The following ARHGAP29 variants were observed in gnomAD, a reference collection of about 807,000 sequenced individuals.
ARHGAP29 encodes rho GTPase-activating protein 29.
ARHGAP29 carries 43 observed loss-of-function variants against 122.6 expected under a neutral mutation model. The ratio of observed to expected loss-of-function variants is 0.35; its 90% CI spans 0.27 to 0.45. ARHGAP29 has a LOEUF of 0.45. ARHGAP29 is among the 20% of genes least tolerant of loss of function. The pLI is 1.00. For missense variants in ARHGAP29, 1,303 were observed against 1,477.2 expected, an observed-to-expected ratio of 0.88 and a Z score of 1.93; for synonymous variants, 506 against 497.1, an observed-to-expected ratio of 1.02 and a Z score of -0.24.
Position 94,203,918 on chromosome 1 carries a change from C to T in ARHGAP29, c.762+12G>A, listed in dbSNP as rs368475090. ...CTTATTATAGAACCCCCGAAGTTCACAGAACACTTACCTGAATTCCAATGT... is the reference window on the plus strand; with the variant it reads ...CTTATTATAGAACCCCCGAAGTTCATAGAACACTTACCTGAATTCCAATGT... On this transcript the variant is annotated intron_variant, in intron 8 of 22. Coordinates refer to ENST00000260526, the MANE Select transcript of ARHGAP29 (RefSeq NM_004815.4). 6.2e-7 allele frequency: 1 copy of T among 1,612,870 alleles called. No individual in the cohort carries two copies. Among genetic ancestry groups the T allele is most frequent in the East Asian group, 2.2e-5 (1 of 44,832 alleles).
rs1473821064 is a variant in ARHGAP29, at chr1:94,203,326, A to G, written c.763-116T>C. The stretch of plus-strand genomic sequence containing the variant: ...AGTTTAGACTTTTGCCCCCAGAAAA[A>G]TAACTAGTCAAAAACATGACTATGA... On this transcript the variant is annotated intron_variant, in intron 8 of 22. Coordinates refer to ENST00000260526, the MANE Select transcript of ARHGAP29 (RefSeq NM_004815.4). 4.9e-6 allele frequency: 3 copies of G among 616,510 alleles called. No homozygotes were observed. In the East Asian group the frequency reaches 9.2e-5, roughly 19 times the overall value. 38.2% of individuals were successfully genotyped at this position (616,510 alleles called of 1,614,324 possible).
intron 1 of ARHGAP29, among the ~76,000 whole-genome samples, chr1:94,257,511 CAGCCTGGGCA>C (rs1300557832): frequency 6.6e-6 from 1 of 152,054 alleles, no homozygotes; most frequent in Non-Finnish European, 1.5e-5. Context: ...ATTTTGAGAC[CAGCCTGGGCA>C]ACACAGGGAG....
At position 94,174,119 on chromosome 1, in the gene ARHGAP29, T is replaced by C. The variant is rs1156732552; in HGVS notation, c.3536A>G (p.Asn1179Ser). The change falls in exon 23 of 23, where the codon AAT (asparagine) becomes AGT (serine). Residue 1179 changes from asparagine to serine, a missense_variant. By Grantham distance (46) the Asn-to-Ser change is conservative. Coordinates refer to ENST00000260526, the MANE Select transcript of ARHGAP29 (RefSeq NM_004815.4). ...PHAPIISIRG[N>S]EEKPASPSAA... ...TGAGGGTGAAGCTGGCTTCTCCTCATTCCCCCTGATACTGATGATGGGAGC... is the reference window on the plus strand; with the variant it reads ...TGAGGGTGAAGCTGGCTTCTCCTCACTCCCCCTGATACTGATGATGGGAGC... 6.2e-7 allele frequency: 1 copy of C among 1,614,040 alleles called. No homozygotes were observed. The highest frequency in any genetic ancestry group is 2.2e-5 in the East Asian group (1 of 44,890).
chr1:94,242,794 C>T (rs1414007641), intron 1 of ARHGAP29, among the ~76,000 whole-genome samples: 1 of 151,800 alleles, frequency 6.6e-6, no homozygotes, highest in Non-Finnish European at 1.5e-5. Flanking sequence ...AAAAGTAAGA[C>T]CCAACTATAT....
Position 94,170,961 on chromosome 1 carries a change from T to C in ARHGAP29, c.*2908A>G, listed in dbSNP as rs1180551143. Among the ~76,000 whole-genome samples the C allele has an allele frequency of 6.6e-6, 1 of 152,214 alleles. No individual in the cohort carries two copies. The highest frequency in any genetic ancestry group is 1.9e-4 in the East Asian group (1 of 5,198). ...CTGACTTACATACTGATTGTGAATG[T>C]AGCAAATTTGCTAACTCCTAGATGT... On this transcript the variant is annotated 3_prime_UTR_variant, in exon 23 of 23. Transcript: ENST00000260526.
chr1:94,247,297 G>C (rs940858528), intron 1 of ARHGAP29, among the ~76,000 whole-genome samples: 31 of 152,018 alleles, frequency 2.0e-4, no homozygotes, highest in Non-Finnish European at 1.3e-4. Flanking sequence ...AGACACGCTC[G>C]GGGAGTCCTG....
At chr1:94,290,569 A>G in the ARHGAP29 span, among the ~76,000 whole-genome samples, 1 of 152,174 alleles carries the variant, frequency 6.6e-6, no homozygotes, top group Non-Finnish European at 1.5e-5. Flanking sequence ...TAGTGCTATA[A>G]ATTTCCCTCT....
chr1:94,183,808 CAAGTATT>C (rs1649626696), intron 19 of ARHGAP29, among the ~76,000 whole-genome samples: 1 of 152,026 alleles, frequency 6.6e-6, no homozygotes, highest in Admixed American at 6.5e-5. Context: ...GAATAAATAG[CAAGTATT>C]AAAACTATTA....
At chr1:94,218,340 T>C (rs189560720) in intron 3 of ARHGAP29, among the ~76,000 whole-genome samples, 2 of 152,224 alleles carry the variant, frequency 1.3e-5, no homozygotes, top group African/African-American at 4.8e-5. Context: ...AGTAAAACAG[T>C]TACAATAATC....
the ARHGAP29 span, among the ~76,000 whole-genome samples, chr1:94,313,724 C>T: frequency 7.2e-5 from 11 of 152,178 alleles, no homozygotes; most frequent in African/African-American, 2.4e-4. Flanking sequence ...TTGGAACCAA[C>T]CCAAATGTCT....
chr1:94,170,261 T>C lies in ARHGAP29; in HGVS notation c.*3608A>G, dbSNP rs1422208529. On this transcript the variant is annotated 3_prime_UTR_variant, in exon 23 of 23. Transcript: ENST00000260526. The stretch of plus-strand genomic sequence containing the variant: ...AGACAAATTGACATTGTGTGCATCC[T>C]GGCATGACACATTTGAGTATAGAGC... Among the ~76,000 whole-genome samples the C allele has an allele frequency of 6.6e-6, 1 of 152,230 alleles. No individual in the cohort carries two copies. Among genetic ancestry groups the C allele is most frequent in the African/African-American group, 2.4e-5 (1 of 41,464 alleles).
intron 1 of ARHGAP29, among the ~76,000 whole-genome samples, chr1:94,272,557 C>G (rs1366013223): frequency 6.6e-6 from 1 of 152,212 alleles, no homozygotes; most frequent in Admixed American, 6.5e-5. Context: ...CTGGTCCAAG[C>G]CAGTGATTGA....
intron 1 of ARHGAP29, among the ~76,000 whole-genome samples, chr1:94,264,961 T>G (rs1176508111): frequency 6.6e-6 from 1 of 152,214 alleles, no homozygotes; most frequent in Non-Finnish European, 1.5e-5. Context: ...GCTCAAGGCT[T>G]TACTATTCCC....
At chr1:94,224,926 T>C (rs1262817134) in intron 2 of ARHGAP29, among the ~76,000 whole-genome samples, 1 of 152,110 alleles carries the variant, frequency 6.6e-6, no homozygotes, top group African/African-American at 2.4e-5. Context: ...AGAAGCTCCT[T>C]AAGTTACACT....
intron 1 of ARHGAP29, among the ~76,000 whole-genome samples, chr1:94,249,853 G>A (rs888462252): frequency 1.3e-5 from 2 of 152,038 alleles, no homozygotes; most frequent in Non-Finnish European, 2.9e-5. Context: ...ATGGTTTTTG[G>A]CAGTGTTTAT....
intron 1 of ARHGAP29, among the ~76,000 whole-genome samples, chr1:94,259,221 T>C (rs1207063944): frequency 1.3e-5 from 2 of 152,196 alleles, no homozygotes; most frequent in African/African-American, 4.8e-5. Context: ...ACTCTGCCAG[T>C]GATGGGCAGC....
intron 2 of ARHGAP29, among the ~76,000 whole-genome samples, chr1:94,225,041 TA>T (rs1652537594): frequency 6.6e-6 from 1 of 152,178 alleles, no homozygotes. Context: ...CAAAGGTTCA[TA>T]AACTTTTCTA....
At chr1:94,193,512 A>ATGG (rs2101455881) in intron 12 of ARHGAP29, 1 of 152,302 alleles carries the variant, frequency 6.6e-6, no homozygotes, top group African/African-American at 2.4e-5. Context: ...AACAGATAAA[A>ATGG]TCCAAAGACA....
rs1368834663 is a variant in ARHGAP29, at chr1:94,173,867, C to G, written c.*2G>C. ...ACAAAAAAACCCTGAAATTTGACAT[C>G]CCTACACAAATTGTGGAATTTCACC... On this transcript the variant is annotated 3_prime_UTR_variant, in exon 23 of 23. Coordinates refer to ENST00000260526, the MANE Select transcript of ARHGAP29 (RefSeq NM_004815.4). 3 of 1,595,042 alleles carry G rather than the reference C, an allele frequency of 1.9e-6. No homozygotes were observed. Among genetic ancestry groups the G allele is most frequent in the Non-Finnish European group, 2.6e-6 (3 of 1,166,998 alleles).
Sources: gnomAD v4.1 joint callset for allele counts (sites outside exome capture counted in the v4.1 genomes callset) on GRCh38, gnomAD v4.1.1 for gene constraint, MANE v1.5 for transcripts, NCBI Gene and HGNC (gene_info 2026-07-23, HGNC 2026-07-21) for gene names.